POLN: variants seen among roughly 807,000 people sequenced by gnomAD.
POLN encodes DNA polymerase nu, also known as DNA polymerase N.
Under a neutral mutation model 113.5 loss-of-function variants are expected in POLN, and 108 were observed. That is an observed-to-expected ratio of 0.95 (90% CI 0.81 to 1.12). The LOEUF is 1.12. Among genes scored for constraint, POLN ranks in the 50% most tolerant of loss-of-function variants. POLN has a pLI of 0.00. For synonymous variants in POLN, 386 were observed against 391.5 expected (o/e 0.99, Z 0.17); for missense variants, 1,097 against 1,077.1 (o/e 1.02, Z -0.26).
chr4:2,148,486 G>A lies in POLN; in HGVS notation c.1731+8302C>T, dbSNP rs964789813. Among the ~76,000 whole-genome samples, 11 of 152,214 alleles carry A rather than the reference G, an allele frequency of 7.2e-5. 1 individual carries two copies. The South Asian group carries it at 1.5e-3, about 20-fold the overall frequency. On this transcript the variant is annotated intron_variant, in intron 16 of 25. Transcript: ENST00000511885. Reference sequence around the variant, plus strand: ...ATTTGAGACCAGCCTGACCAACATGGTGAAACCCTGTCTCTATTAAAAATA... The same window carrying A: ...ATTTGAGACCAGCCTGACCAACATGATGAAACCCTGTCTCTATTAAAAATA...
chr4:2,233,000 C>T (rs1212869437), intron 2 of POLN, among the ~76,000 whole-genome samples: 1 of 152,146 alleles, frequency 6.6e-6, no homozygotes, highest in Non-Finnish European at 1.5e-5. Context: ...GACTAAATTA[C>T]TTAATCTCTG....
chr4:2,147,534 T>C (rs976800604), intron 16 of POLN, among the ~76,000 whole-genome samples: 1 of 151,964 alleles, frequency 6.6e-6, no homozygotes, highest in Non-Finnish European at 1.5e-5. Flanking sequence ...GGAGAACAGA[T>C]TGGCCCACAC....
At chr4:2,240,410 G>T in intron 2 of POLN, 2 of 1,613,170 alleles carry the variant, frequency 1.2e-6, no homozygotes, top group South Asian at 2.2e-5. Flanking sequence ...AATGTCTGAA[G>T]AACATCATCA....
chr4:2,176,472 G>A lies in POLN; in HGVS notation c.1180-138C>T, dbSNP rs114970333. ...TTTCAATGGCAGATGTCATGTACGTGGTAGTATCACCAAACACCTCGACTA... is the reference window on the plus strand; with the variant it reads ...TTTCAATGGCAGATGTCATGTACGTAGTAGTATCACCAAACACCTCGACTA... On this transcript the variant is annotated intron_variant, in intron 8 of 25. Coordinates refer to ENST00000511885, the MANE Select transcript of POLN (RefSeq NM_181808.4). The A allele has an allele frequency of 6.4e-4, 404 of 627,476 alleles. 1 individual carries two copies. In the African/African-American group the frequency reaches 7.2e-3, roughly 11 times the overall value. 38.9% of individuals were successfully genotyped at this position (627,476 alleles called of 1,614,324 possible).
chr4:2,128,110 T>C lies in POLN; in HGVS notation c.1982+3A>G. On this transcript the variant is annotated splice_donor_region_variant and intron_variant, in intron 19 of 25. Coordinates refer to ENST00000511885, the MANE Select transcript of POLN (RefSeq NM_181808.4). ...GATAATATTGTGAGTTCATATATCT[T>C]ACCACTGTGAAGTCAGAGTAGAAAA... 1 of 1,555,418 alleles carries C rather than the reference T, an allele frequency of 6.4e-7. No homozygotes were observed. The highest frequency in any genetic ancestry group is 8.9e-7 in the Non-Finnish European group (1 of 1,127,164).
At chr4:2,196,950 T>A (rs1231159314) in intron 6 of POLN, among the ~76,000 whole-genome samples, 1 of 152,026 alleles carries the variant, frequency 6.6e-6, no homozygotes, top group African/African-American at 2.4e-5. Flanking sequence ...CACCACATGG[T>A]CAGGAACGGC....
At chr4:2,143,245 A>C (rs1732048275) in intron 16 of POLN, among the ~76,000 whole-genome samples, 1 of 61,014 alleles carries the variant, frequency 1.6e-5, no homozygotes, top group African/African-American at 3.2e-5. Flanking sequence ...ATAAATTGAA[A>C]ATAGAAAAAT....
chr4:2,124,510 C>A (rs1468971000), intron 19 of POLN, among the ~76,000 whole-genome samples: 1 of 152,134 alleles, frequency 6.6e-6, no homozygotes, highest in Admixed American at 6.5e-5. Context: ...AACTCCTGGC[C>A]TCAAGTGATC....
At chr4:2,215,720 T>G (rs879586809) in intron 3 of POLN, among the ~76,000 whole-genome samples, 9 of 152,204 alleles carry the variant, frequency 5.9e-5, no homozygotes, top group Admixed American at 5.9e-4. Context: ...GCACTGCTCA[T>G]AGCCACTTGC....
intron 19 of POLN, among the ~76,000 whole-genome samples, chr4:2,103,888 A>T (rs1281933753): frequency 6.6e-6 from 1 of 152,268 alleles, no homozygotes; most frequent in Non-Finnish European, 1.5e-5. Context: ...TCATAAATGA[A>T]GGAGAAATAA....
intron 16 of POLN, among the ~76,000 whole-genome samples, chr4:2,132,204 A>T (rs1239077902): frequency 6.6e-6 from 1 of 152,210 alleles, no homozygotes; most frequent in Non-Finnish European, 1.5e-5. Context: ...ACCTCAAAAA[A>T]TACCCAATAT....
At chr4:2,090,458 C>T in intron 20 of POLN, 1 of 572,886 alleles carries the variant, frequency 1.7e-6, no homozygotes, top group Non-Finnish European at 3.2e-6. Context: ...TCGTATTCTT[C>T]TATAGGCTCA....
At chr4:2,121,311 T>C (rs1731434400) in intron 19 of POLN, among the ~76,000 whole-genome samples, 1 of 152,038 alleles carries the variant, frequency 6.6e-6, no homozygotes, top group Non-Finnish European at 1.5e-5. Context: ...GGCAGATGTC[T>C]GTAATCCCAG....
In POLN at chr4:2,174,680, T is replaced by C. The variant is rs1046035943; in HGVS notation, c.1309+11A>G. ...GAAAAATGGCTGTACTTCATCTTTA[T>C]GGTAACTTACCTGCCAAAATTGGTA... On this transcript the variant is annotated intron_variant, in intron 10 of 25. Transcript: ENST00000511885. 3.1e-6 allele frequency: 5 copies of C among 1,598,390 alleles called. No individual in the cohort carries two copies. The highest frequency in any genetic ancestry group is 1.7e-5 in the Admixed American group (1 of 59,922).
intron 2 of POLN, among the ~76,000 whole-genome samples, chr4:2,234,789 G>C (rs990702216): frequency 2.0e-5 from 3 of 152,090 alleles, no homozygotes; most frequent in Non-Finnish European, 4.4e-5. Flanking sequence ...AATTTAAAAC[G>C]ACCAGGATAA....
At chr4:2,116,029 A>AT (rs1731309264) in intron 19 of POLN, among the ~76,000 whole-genome samples, 1 of 151,854 alleles carries the variant, frequency 6.6e-6, no homozygotes, top group African/African-American at 2.4e-5. Flanking sequence ...CTGCACCTTG[A>AT]TTTTTTTCCC....
At chr4:2,116,109 G>A (rs1486669979) in intron 19 of POLN, among the ~76,000 whole-genome samples, 1 of 152,142 alleles carries the variant, frequency 6.6e-6, no homozygotes, top group Non-Finnish European at 1.5e-5. Context: ...CTGAAGGTCT[G>A]AAATACCTTA....
chr4:2,123,254 T>C lies in POLN; in HGVS notation c.1982+4859A>G, dbSNP rs150332201. Among the ~76,000 whole-genome samples the C allele has an allele frequency of 4.4e-3, 670 of 152,126 alleles. 5 individuals carry two copies. Among genetic ancestry groups the C allele is most frequent in the African/African-American group, 0.015 (637 of 41,488 alleles). Reference sequence around the variant, plus strand: ...CTGTAATCTCAGCACTTTGGGAGGCTGAGGCAGGTAGGTTGCTTTGTAATC... The same window carrying C: ...CTGTAATCTCAGCACTTTGGGAGGCCGAGGCAGGTAGGTTGCTTTGTAATC... On this transcript the variant is annotated intron_variant, in intron 19 of 25. Transcript: ENST00000511885.
chr4:2,221,057 G>A (rs1734240473), intron 3 of POLN, among the ~76,000 whole-genome samples: 1 of 152,114 alleles, frequency 6.6e-6, no homozygotes, highest in African/African-American at 2.4e-5. Flanking sequence ...TCCAGCAAAG[G>A]TGGGGGGAAG....
Sources: allele counts gnomAD v4.1 joint callset (sites outside exome capture counted in the v4.1 genomes callset), GRCh38; gene constraint gnomAD v4.1.1; transcripts MANE v1.5; gene names NCBI Gene and HGNC (gene_info 2026-07-23, HGNC 2026-07-21).